TDRD3: variants seen among roughly 807,000 people sequenced by gnomAD.
TDRD3 encodes tudor domain-containing protein 3.
Under a neutral mutation model 86.7 loss-of-function variants are expected in TDRD3, and 45 were observed. The ratio of observed to expected loss-of-function variants is 0.52; its 90% CI spans 0.41 to 0.67. TDRD3 has a LOEUF of 0.67. Ranked by LOEUF, TDRD3 falls within the 30% of genes least tolerant of loss-of-function variation. TDRD3 has a pLI of 0.00. For synonymous variants in TDRD3, 298 were observed against 301.7 expected, an observed-to-expected ratio of 0.99 and a Z score of 0.13; for missense variants, 814 against 889.0, an observed-to-expected ratio of 0.92 and a Z score of 1.07.
chr13:60,449,871 T>C (rs1594946623), intron 3 of TDRD3, among the ~76,000 whole-genome samples: 1 of 152,086 alleles, frequency 6.6e-6, no homozygotes, highest in East Asian at 1.9e-4. Flanking sequence ...GGTACTCCCT[T>C]CCCTAAAGCT....
intron 10 of TDRD3, among the ~76,000 whole-genome samples, chr13:60,526,022 A>C (rs1957423516): frequency 6.6e-6 from 1 of 152,182 alleles, no homozygotes; most frequent in African/African-American, 2.4e-5. Context: ...ACATCTGCCA[A>C]GCCTGGCTGA....
At chr13:60,505,559 G>A (rs1188602363) in intron 8 of TDRD3, among the ~76,000 whole-genome samples, 1 of 152,232 alleles carries the variant, frequency 6.6e-6, no homozygotes, top group Non-Finnish European at 1.5e-5. Flanking sequence ...GAAGCAAGCA[G>A]CGGATCTCTC....
chr13:60,489,361 G>C (rs765285671), intron 7 of TDRD3, among the ~76,000 whole-genome samples: 22 of 152,106 alleles, frequency 1.4e-4, no homozygotes, highest in Non-Finnish European at 2.5e-4. Context: ...ATGAAGCTTA[G>C]CTTACAACTG....
chr13:60,506,874 T>C (rs889775673), intron 8 of TDRD3, among the ~76,000 whole-genome samples: 7 of 152,142 alleles, frequency 4.6e-5, no homozygotes. Flanking sequence ...TAAATGTAAA[T>C]GGGCTAAATG....
At chr13:60,539,415 TTAAA>T (rs1174666291) in intron 12 of TDRD3, among the ~76,000 whole-genome samples, 1 of 152,020 alleles carries the variant, frequency 6.6e-6, no homozygotes, top group Non-Finnish European at 1.5e-5. Flanking sequence ...AAGTTTTAAT[TTAAA>T]TAATTATAGG....
intron 5 of TDRD3, among the ~76,000 whole-genome samples, chr13:60,470,853 G>T (rs908705921): frequency 2.6e-5 from 4 of 152,136 alleles, no homozygotes; most frequent in African/African-American, 7.2e-5. Context: ...AAAGTGCTGG[G>T]ATTATAGGTG....
intron 4 of TDRD3, chr13:60,461,032 T>A (rs879358636): frequency 1.3e-5 from 2 of 151,480 alleles, no homozygotes; most frequent in African/African-American, 2.4e-5. Context: ...AAAAATAAAT[T>A]AAAAAATAGT....
At chr13:60,417,351 A>ATT (rs113668776) in intron 1 of TDRD3, among the ~76,000 whole-genome samples, 49 of 122,990 alleles carry the variant, frequency 4.0e-4, no homozygotes, top group South Asian at 1.6e-3. Context: ...AACTAATTTC[A>ATT]TTTTTTTTTT....
chr13:60,399,840 C>T (rs1490995825), intron 1 of TDRD3, among the ~76,000 whole-genome samples: 1 of 152,188 alleles, frequency 6.6e-6, no homozygotes, highest in Non-Finnish European at 1.5e-5. Flanking sequence ...GAAAAGTTTA[C>T]AATTCTGAAA....
In TDRD3 at chr13:60,444,577, A is replaced by G. The variant is rs1256843227; in HGVS notation, c.127-106A>G. 1.0e-4 allele frequency: 62 copies of G among 618,914 alleles called. 1 individual carries two copies. The South Asian group carries it at 1.5e-3, about 15-fold the overall frequency. The allele number at this position is 618,914 out of a possible 1,614,324, so 38.3% of individuals were successfully genotyped here. On this transcript the variant is annotated intron_variant, in intron 2 of 13. Coordinates refer to ENST00000377881, the MANE Select transcript of TDRD3 (RefSeq NM_001146070.2). ...TAGATCTCATGACCAGTTAAACTGA[A>G]TTTTTGTTTCACAAACCATAAGTAA...
chr13:60,490,534 G>A (rs1183108017), intron 7 of TDRD3, among the ~76,000 whole-genome samples: 3 of 152,154 alleles, frequency 2.0e-5, no homozygotes, highest in Non-Finnish European at 2.9e-5. Flanking sequence ...CTTCATTCAA[G>A]GAGAAATGGG....
At chr13:60,462,005 TTTC>T (rs1955813990) in intron 4 of TDRD3, among the ~76,000 whole-genome samples, 2 of 152,188 alleles carry the variant, frequency 1.3e-5, no homozygotes, top group Non-Finnish European at 2.9e-5. Flanking sequence ...TCCCTTCTTT[TTTC>T]TTCTTTCATC....
chr13:60,507,468 AG>A (rs1197136073), intron 8 of TDRD3, among the ~76,000 whole-genome samples: 1 of 152,226 alleles, frequency 6.6e-6, no homozygotes, highest in Non-Finnish European at 1.5e-5. Context: ...CAAATGCAAA[AG>A]AACGAAAATA....
At chr13:60,550,790 T>A (rs972565708) in intron 12 of TDRD3, among the ~76,000 whole-genome samples, 1 of 152,186 alleles carries the variant, frequency 6.6e-6, no homozygotes, top group Non-Finnish European at 1.5e-5. Context: ...GTTTATGTTG[T>A]TACCTGGCAT....
At chr13:60,437,478 T>A (rs1455272206) in intron 1 of TDRD3, among the ~76,000 whole-genome samples, 1 of 151,840 alleles carries the variant, frequency 6.6e-6, no homozygotes, top group Admixed American at 6.6e-5. Flanking sequence ...TAGGAGTCAT[T>A]TTTGTTTTTA....
intron 1 of TDRD3, among the ~76,000 whole-genome samples, chr13:60,435,098 T>G (rs1193408968): frequency 6.6e-6 from 1 of 152,182 alleles, no homozygotes; most frequent in Non-Finnish European, 1.5e-5. Flanking sequence ...TTATTGTTAA[T>G]TTAGGCTCAG....
intron 8 of TDRD3, among the ~76,000 whole-genome samples, chr13:60,504,470 A>G (rs1956894106): frequency 6.6e-6 from 1 of 152,242 alleles, no homozygotes; most frequent in African/African-American, 2.4e-5. Flanking sequence ...ACCTTAAAAC[A>G]TTTAGCAAAC....
chr13:60,401,022 C>T (rs1329643789), intron 1 of TDRD3, among the ~76,000 whole-genome samples: 1 of 152,098 alleles, frequency 6.6e-6, no homozygotes, highest in Non-Finnish European at 1.5e-5. Context: ...AATTTACTTT[C>T]CTAGTCCAGG....
At chr13:60,416,727 T>C (rs1444377556) in intron 1 of TDRD3, among the ~76,000 whole-genome samples, 1 of 152,190 alleles carries the variant, frequency 6.6e-6, no homozygotes, top group East Asian at 1.9e-4. Flanking sequence ...TTGTGAGATA[T>C]CTTTCAAATT....
Sources: gnomAD v4.1 joint callset for allele counts (sites outside exome capture counted in the v4.1 genomes callset) on GRCh38, gnomAD v4.1.1 for gene constraint, MANE v1.5 for transcripts, NCBI Gene and HGNC (gene_info 2026-07-23, HGNC 2026-07-21) for gene names.